GAB2: variants seen among roughly 807,000 people sequenced by gnomAD.
GAB2 encodes GRB2 associated binding protein 2.
A neutral mutation model predicts 65.5 loss-of-function variants in GAB2; 26 were observed. That is an observed-to-expected ratio of 0.40 (90% CI 0.29 to 0.55). The LOEUF is 0.55. GAB2 is among the 20% of genes least tolerant of loss of function. The pLI is 0.53. For synonymous variants in GAB2, 321 were observed against 329.6 expected, an observed-to-expected ratio of 0.97 and a Z score of 0.28; for missense variants, 884 against 875.8, an observed-to-expected ratio of 1.01 and a Z score of -0.12.
chr11:78,411,202 G>T (rs1255624514), intron 1 of GAB2, among the ~76,000 whole-genome samples: 1 of 151,860 alleles, frequency 6.6e-6, no homozygotes, highest in African/African-American at 2.4e-5. Flanking sequence ...AACGAAGGAA[G>T]AAAGACATAT....
intron 1 of GAB2, among the ~76,000 whole-genome samples, chr11:78,409,085 T>C (rs913585446): frequency 6.6e-6 from 1 of 152,188 alleles, no homozygotes; most frequent in African/African-American, 2.4e-5. Flanking sequence ...AGATGTATCA[T>C]GTGAATATCA....
chr11:78,219,263 G>A lies in GAB2; in HGVS notation c.*9C>T, dbSNP rs1255227482. ...ATGCTGCCTCCTGGGCTCTGCGGTG[G>A]CCCTCTCATCACAGCTTGGCACCCT... On this transcript the variant is annotated 3_prime_UTR_variant, in exon 10 of 10. Transcript: ENST00000361507. 2 of 1,611,908 alleles carry A rather than the reference G, an allele frequency of 1.2e-6. No homozygotes were observed. The highest frequency in any genetic ancestry group is 1.7e-6 in the Non-Finnish European group (2 of 1,179,450).
chr11:78,254,509 C>CTATA (rs1205291508), intron 2 of GAB2, among the ~76,000 whole-genome samples: 1 of 152,124 alleles, frequency 6.6e-6, no homozygotes, highest in African/African-American at 2.4e-5. Context: ...ATCTAATGAT[C>CTATA]TATAGCTTAG....
intron 1 of GAB2, among the ~76,000 whole-genome samples, chr11:78,325,683 AC>A (rs1378318482): frequency 6.6e-6 from 1 of 152,130 alleles, no homozygotes; most frequent in Admixed American, 6.6e-5. Flanking sequence ...AGCAACTACT[AC>A]CCACGTAAAG....
intron 1 of GAB2, among the ~76,000 whole-genome samples, chr11:78,311,602 A>G (rs1160742001): frequency 6.6e-6 from 1 of 152,250 alleles, no homozygotes; most frequent in African/African-American, 2.4e-5. Flanking sequence ...TCACTGAGCC[A>G]CTATAACATA....
chr11:78,285,142 C>G (rs944056961), intron 1 of GAB2, among the ~76,000 whole-genome samples: 1 of 152,174 alleles, frequency 6.6e-6, no homozygotes, highest in South Asian at 2.1e-4. Flanking sequence ...GTGTGGGCAC[C>G]AAGGTGCATT....
At chr11:78,311,835 A>G (rs1349062187) in intron 1 of GAB2, among the ~76,000 whole-genome samples, 1 of 152,210 alleles carries the variant, frequency 6.6e-6, no homozygotes, top group Non-Finnish European at 1.5e-5. Context: ...GGGCAAGAAG[A>G]GGTGCCTACA....
At chr11:78,384,135 C>T (rs777700771) in intron 1 of GAB2, among the ~76,000 whole-genome samples, 12 of 152,182 alleles carry the variant, frequency 7.9e-5, no homozygotes, top group Non-Finnish European at 1.6e-4. Flanking sequence ...ATGTACCAAA[C>T]CTGATGCACC....
At chr11:78,347,231 C>A (rs1856206336) in intron 1 of GAB2, among the ~76,000 whole-genome samples, 1 of 152,132 alleles carries the variant, frequency 6.6e-6, no homozygotes, top group African/African-American at 2.4e-5. Flanking sequence ...TATGAAACCC[C>A]TGGTTCTAGT....
At chr11:78,303,231 T>G (rs1471621235) in intron 1 of GAB2, among the ~76,000 whole-genome samples, 1 of 151,064 alleles carries the variant, frequency 6.6e-6, no homozygotes, top group Non-Finnish European at 1.5e-5. Flanking sequence ...GGCTTTTTTT[T>G]GTGTCTTATC....
intron 1 of GAB2, among the ~76,000 whole-genome samples, chr11:78,355,026 C>G (rs1450117479): frequency 2.0e-5 from 3 of 152,226 alleles, no homozygotes; most frequent in African/African-American, 7.2e-5. Context: ...TTTTCAAAGG[C>G]AAACCACCTT....
chr11:78,391,149 G>T (rs1856829232), intron 1 of GAB2, among the ~76,000 whole-genome samples: 1 of 152,138 alleles, frequency 6.6e-6, no homozygotes, highest in Non-Finnish European at 1.5e-5. Flanking sequence ...AGAAAAATTA[G>T]CTGGATGTGG....
chr11:78,376,812 C>T (rs1793075774), intron 1 of GAB2, among the ~76,000 whole-genome samples: 1 of 152,104 alleles, frequency 6.6e-6, no homozygotes, highest in Admixed American at 6.5e-5. Flanking sequence ...ACTTAAACAA[C>T]AGACTGACAG....
intron 1 of GAB2, among the ~76,000 whole-genome samples, chr11:78,333,690 A>G (rs763102869): frequency 1.3e-5 from 2 of 152,198 alleles, no homozygotes; most frequent in Non-Finnish European, 2.9e-5. Flanking sequence ...GTTTTTCACC[A>G]TGGGTGATCT....
intron 1 of GAB2, among the ~76,000 whole-genome samples, chr11:78,371,792 T>A (rs1856574060): frequency 6.6e-6 from 1 of 151,986 alleles, no homozygotes; most frequent in Non-Finnish European, 1.5e-5. Context: ...CTTCTAAACA[T>A]AGTCTGACAG....
intron 1 of GAB2, among the ~76,000 whole-genome samples, chr11:78,405,091 ATTTTTT>A (rs1174366754): frequency 1.1e-5 from 1 of 93,280 alleles, no homozygotes; most frequent in Non-Finnish European, 1.9e-5. Flanking sequence ...AAAAACATGG[ATTTTTT>A]TTTTTTTTTT....
At chr11:78,231,175 G>C (rs1406869983) in intron 3 of GAB2, among the ~76,000 whole-genome samples, 1 of 152,138 alleles carries the variant, frequency 6.6e-6, no homozygotes, top group Non-Finnish European at 1.5e-5. Context: ...AGCACGTATG[G>C]GAGCTCCCCA....
chr11:78,277,019 G>C (rs185341583), intron 2 of GAB2, among the ~76,000 whole-genome samples: 1 of 152,008 alleles, frequency 6.6e-6, no homozygotes, highest in Admixed American at 6.6e-5. Flanking sequence ...GGGTTTCACC[G>C]TGTCAGCCAG....
intron 1 of GAB2, among the ~76,000 whole-genome samples, chr11:78,319,118 G>A (rs768114101): frequency 6.6e-6 from 1 of 152,148 alleles, no homozygotes; most frequent in Non-Finnish European, 1.5e-5. Context: ...AAGGCTGTGA[G>A]CGTTTGGATG....
Sources: allele counts gnomAD v4.1 joint callset (sites outside exome capture counted in the v4.1 genomes callset), GRCh38; gene constraint gnomAD v4.1.1; transcripts MANE v1.5; gene names NCBI Gene and HGNC (gene_info 2026-07-23, HGNC 2026-07-21).